The following UGT1A7 variants were observed in gnomAD, a reference collection of about 807,000 sequenced individuals.
UGT1A7 encodes the protein UDP glucuronosyltransferase family 1 member A7.
A neutral mutation model predicts 45.6 loss-of-function variants in UGT1A7; 33 were observed. The ratio of observed to expected loss-of-function variants is 0.72; its 90% CI spans 0.55 to 0.97. The LOEUF (loss-of-function observed/expected upper bound fraction) is 0.97, where lower values mean the gene tolerates loss of function less well. Ranked by LOEUF, UGT1A7 falls within the 50% of genes least tolerant of loss-of-function variation. The probability of loss-of-function intolerance (pLI) is 0.00; values close to 1 mark genes in which losing one functional copy is unlikely to be tolerated. For missense variants in UGT1A7, 684 were observed against 666.2 expected, an observed-to-expected ratio of 1.03 and a Z score of -0.29; for synonymous variants, 274 against 250.6, an observed-to-expected ratio of 1.09 and a Z score of -0.88.
At chr2:233,762,715 C>T (rs1406790908) in intron 1 of UGT1A7, among the ~76,000 whole-genome samples, 19 of 149,510 alleles carry the variant, frequency 1.3e-4, no homozygotes, top group Middle Eastern at 3.4e-3. Flanking sequence ...GTATTTTACA[C>T]GGTTTTTTTT....
At chr2:233,693,237 A>G in intron 1 of UGT1A7, 2 of 1,614,188 alleles carry the variant, frequency 1.2e-6, no homozygotes, top group Non-Finnish European at 1.7e-6. Flanking sequence ...AGAAAAATCT[A>G]TCCAGTGCCG....
chr2:233,682,283 A>G lies in UGT1A7; in HGVS notation c.346A>G (p.Ile116Val). 6.2e-7 allele frequency: 1 copy of G among 1,614,164 alleles called. No individual in the cohort carries two copies. The highest frequency in any genetic ancestry group is 8.5e-7 in the Non-Finnish European group (1 of 1,180,012). Residue 116 changes from isoleucine (I) to valine (V), a missense_variant, in exon 1 of 5, where the codon ATT (isoleucine) becomes GTT (valine). Coordinates refer to ENST00000373426, the MANE Select transcript of UGT1A7 (RefSeq NM_019077.3). ...FSLLTSSSNG[I>V]FDLFFSNCRS... The stretch of plus-strand genomic sequence containing the variant: ...TCTATTAACAAGTTCATCCAATGGT[A>G]TTTTTGACTTATTTTTTTCAAATTG...
chr2:233,747,416 C>T, intron 1 of UGT1A7: 4 of 1,607,550 alleles, frequency 2.5e-6, no homozygotes, highest in Non-Finnish European at 3.4e-6. Context: ...TGAATATGCA[C>T]ATCAAACAAG....
intron 1 of UGT1A7, chr2:233,693,903 TC>T: frequency 6.2e-7 from 1 of 1,613,478 alleles, no homozygotes; most frequent in Non-Finnish European, 8.5e-7. Flanking sequence ...CCTTGTTTCT[TC>T]CAGGCTCTGT....
chr2:233,724,376 G>T (rs1373227000), intron 1 of UGT1A7, among the ~76,000 whole-genome samples: 1 of 128,002 alleles, frequency 7.8e-6, no homozygotes, highest in African/African-American at 3.0e-5. Context: ...GGTGGCTGCC[G>T]GGCGGAGACG....
rs1354115874 is a variant in UGT1A7 at position 233,743,513 on chromosome 2, T to A, written c.856-23521T>A. 4 of 1,367,280 alleles carry A rather than the reference T, an allele frequency of 2.9e-6. No homozygotes were observed. In the South Asian group the frequency reaches 3.4e-5, roughly 12 times the overall value. The allele number at this position is 1,367,280 out of a possible 1,614,324, so 84.7% of individuals were successfully genotyped here. ...GCAGAGAAAAGGGGTGCAGACGCTC[T>A]GCTTCTGCTTCCCCAGCAGTTCCTC... On this transcript the variant is annotated intron_variant, in intron 1 of 4. Transcript: ENST00000373426.
chr2:233,768,643 G>T (rs1699688311), intron 4 of UGT1A7, among the ~76,000 whole-genome samples: 1 of 136,596 alleles, frequency 7.3e-6, no homozygotes. Context: ...CTGGAGTGCA[G>T]TGGTGCAATC....
intron 1 of UGT1A7, among the ~76,000 whole-genome samples, chr2:233,765,603 T>TG (rs1226627495): frequency 6.6e-6 from 1 of 151,130 alleles, no homozygotes; most frequent in African/African-American, 2.4e-5. Context: ...CCAGGGCTTG[T>TG]GGCGGGGTGA....
At chr2:233,729,299 C>T in intron 1 of UGT1A7, 2 of 1,614,234 alleles carry the variant, frequency 1.2e-6, no homozygotes, top group Non-Finnish European at 1.7e-6. Flanking sequence ...GGCCACCAGG[C>T]AGTGGTCCTC....
rs909756512 is a variant in UGT1A7 at position 233,724,934 on chromosome 2, C to T, written c.856-42100C>T. On this transcript the variant is annotated intron_variant, in intron 1 of 4. Coordinates refer to ENST00000373426, the MANE Select transcript of UGT1A7 (RefSeq NM_019077.3). ...ATTGAGCACTGAGTGAACGAGACTCCGTCTGCAATCCCGGCACCTCGGGAG... is the reference window on the plus strand; with the variant it reads ...ATTGAGCACTGAGTGAACGAGACTCTGTCTGCAATCCCGGCACCTCGGGAG... 1.0e-4 allele frequency among the ~76,000 whole-genome samples: 15 copies of T among 143,608 alleles called. 1 individual carries two copies. The highest frequency in any genetic ancestry group is 2.5e-4 in the South Asian group (1 of 4,034). 94.2% of individuals were successfully genotyped at this position (143,608 alleles called of 152,430 possible).
chr2:233,737,653 G>C (rs567057644), intron 1 of UGT1A7, among the ~76,000 whole-genome samples: 4 of 152,320 alleles, frequency 2.6e-5, no homozygotes, highest in African/African-American at 9.6e-5. Context: ...CATGCTGGGA[G>C]CTGCAGATCG....
chr2:233,772,283 C>T lies in UGT1A7; in HGVS notation c.1317C>T (p.Arg439=), dbSNP rs1700499600. Residue 439 remains arginine, a synonymous_variant, in exon 5 of 5, where the codon CGC becomes CGT. Coordinates refer to ENST00000373426, the MANE Select transcript of UGT1A7 (RefSeq NM_019077.3). ...TTAGTTACAAGGAGAACATCATGCG[C>T]CTCTCCAGCCTTCACAAGGACCGCC... is the stretch of plus-strand genomic sequence containing the variant. ...NDKSYKENIM[R]LSSLHKDRPV... 1 of 1,614,232 alleles carries T rather than the reference C, an allele frequency of 6.2e-7. No homozygotes were observed. The highest frequency in any genetic ancestry group is 8.5e-7 in the Non-Finnish European group (1 of 1,180,050).
Position 233,769,174 on chromosome 2 carries a change from G to T in UGT1A7, c.1295+735G>T, listed in dbSNP as rs1699806573. ...ACCTGTGAGAAATTTTGTCCATGGA[G>T]TTTATGAATGAAGGAGCTATAAGAT... On this transcript the variant is annotated intron_variant, in intron 4 of 4. Coordinates refer to ENST00000373426, the MANE Select transcript of UGT1A7 (RefSeq NM_019077.3). This position sits in a 1 kb window ranked among gnomAD's most constrained non-coding sequence, Gnocchi z 4.4. Among the ~76,000 whole-genome samples, 1 of 152,206 alleles carries T rather than the reference G, an allele frequency of 6.6e-6. No individual in the cohort carries two copies. Among genetic ancestry groups the T allele is most frequent in the Non-Finnish European group, 1.5e-5 (1 of 68,044 alleles).
At chr2:233,726,581 C>T (rs2077543368) in intron 1 of UGT1A7, among the ~76,000 whole-genome samples, 1 of 152,182 alleles carries the variant, frequency 6.6e-6, no homozygotes, top group Non-Finnish European at 1.5e-5. Flanking sequence ...GTCTCCTTCA[C>T]TTGTAAGAGC....
intron 4 of UGT1A7, chr2:233,771,165 A>T (rs927521180): frequency 6.6e-6 from 1 of 152,234 alleles, no homozygotes; most frequent in African/African-American, 2.4e-5. Context: ...CATCTCCAGC[A>T]CTGGGGATTA....
chr2:233,712,961 G>T (rs2076264324), intron 1 of UGT1A7: 1 of 1,612,910 alleles, frequency 6.2e-7, no homozygotes, highest in Non-Finnish European at 8.5e-7. Context: ...AACGTGGGGT[G>T]GACAGTCAGC....
chr2:233,719,576 A>G, intron 1 of UGT1A7: 1 of 1,613,934 alleles, frequency 6.2e-7, no homozygotes, highest in East Asian at 2.2e-5. Context: ...TCAGCTATGC[A>G]TCCGTGTGGC....
Position 233,743,999 on chromosome 2 carries a change from G to A in UGT1A7, c.856-23035G>A, listed in dbSNP as rs981482683. On this transcript the variant is annotated intron_variant, in intron 1 of 4. Coordinates refer to ENST00000373426, the MANE Select transcript of UGT1A7 (RefSeq NM_019077.3). The stretch of plus-strand genomic sequence containing the variant: ...CACCCAGGCGCAGGCCCGAGTGCTC[G>A]GAGACCTGGGCCGCCTGGAGAGACG... The A allele has an allele frequency of 1.1e-4, 135 of 1,220,038 alleles. 4 individuals carry two copies. The African/African-American group carries it at 1.5e-3, about 14-fold the overall frequency. The allele number at this position is 1,220,038 out of a possible 1,614,324, so 75.6% of individuals were successfully genotyped here. A position where few individuals can be genotyped will look rare whatever the true frequency, so the allele number is the denominator to read the frequency against.
chr2:233,687,329 T>C (rs191504719), intron 1 of UGT1A7, among the ~76,000 whole-genome samples: 1 of 152,192 alleles, frequency 6.6e-6, no homozygotes, highest in African/African-American at 2.4e-5. Flanking sequence ...CAAGTTTCCC[T>C]TGAATGATTT....
Sources: allele counts gnomAD v4.1 joint callset (sites outside exome capture counted in the v4.1 genomes callset), GRCh38; gene constraint gnomAD v4.1.1; non-coding constraint Gnocchi (gnomAD v3.1); transcripts MANE v1.5; gene names NCBI Gene and HGNC (gene_info 2026-07-23, HGNC 2026-07-21).